C1orf232: variants seen among roughly 807,000 people sequenced by gnomAD.
C1orf232 encodes uncharacterized protein C1orf232.
Under a neutral mutation model 12.1 loss-of-function variants are expected in C1orf232, and 10 were observed. That is an observed-to-expected ratio of 0.82 (90% CI 0.51 to 1.40). The LOEUF (loss-of-function observed/expected upper bound fraction) is 1.40. Among genes scored for constraint, C1orf232 ranks in the 40% most tolerant of loss-of-function variants. The pLI is 0.00. For missense variants in C1orf232, 88 were observed against 98.4 expected, an observed-to-expected ratio of 0.89 and a Z score of 0.45; for synonymous variants, 36 against 39.8, an observed-to-expected ratio of 0.90 and a Z score of 0.36.
Position 26,164,222 on chromosome 1 carries a change from C to G in C1orf232, c.500G>C (p.Trp167Ser), listed in dbSNP as rs561662729. The G allele has an allele frequency of 2.5e-6, 1 of 398,514 alleles. No homozygotes were observed. Among genetic ancestry groups the G allele is most frequent in the East Asian group, 3.6e-5 (1 of 28,064 alleles). 24.7% of individuals were successfully genotyped at this position (398,514 alleles called of 1,614,324 possible). Residue 167 changes from tryptophan to serine, a missense_variant, in exon 4 of 4, where the codon TGG (tryptophan) becomes TCG (serine). By Grantham distance (177) the Trp-to-Ser change is radical. Coordinates refer to ENST00000634842, the MANE Select transcript of C1orf232 (RefSeq NM_001364669.2). The surrounding 1 kb of genome is among the most constrained non-coding windows in gnomAD (Gnocchi z 4.2). The part of the protein sequence containing the change: ...QEAEPVAGFK[W>S]GFLTHKLAEM... The stretch of plus-strand genomic sequence containing the variant: ...GGCCAGTTTGTGAGTGAGGAAGCCC[C>G]ACTTGAAGCCGGCCACCGGCTCGGC...
chr1:26,165,795 C>A, intron 3 of C1orf232, 31 bp downstream of exon 3: 2 of 1,231,902 alleles, frequency 1.6e-6, no homozygotes, highest in Non-Finnish European at 2.0e-6. Flanking sequence ...CAGGCCCCTT[C>A]CAGAACCACC....
chr1:26,166,130 G>A lies in C1orf232; in HGVS notation c.85-12C>T. 2 of 1,231,508 alleles carry A rather than the reference G, an allele frequency of 1.6e-6. No homozygotes were observed. The highest frequency in any genetic ancestry group is 2.0e-6 in the Non-Finnish European group (2 of 987,876). The allele number at this position is 1,231,508 out of a possible 1,614,324, so 76.3% of individuals were successfully genotyped here. A position where few individuals can be genotyped will look rare whatever the true frequency, so the allele number is the denominator to read the frequency against. ...GCTGGGTTCTCCCTCTGGGACACAA[G>A]ACCCCCACACAGCATGAGAGAGGCC... On this transcript the variant is annotated splice_polypyrimidine_tract_variant and intron_variant, in intron 1 of 3. Coordinates refer to ENST00000634842, the MANE Select transcript of C1orf232 (RefSeq NM_001364669.2).
Position 26,165,241 on chromosome 1 carries a change from A to C in C1orf232, c.266+585T>G, listed in dbSNP as rs79903780. On this transcript the variant is annotated intron_variant, in intron 3 of 3. Coordinates refer to ENST00000634842, the MANE Select transcript of C1orf232 (RefSeq NM_001364669.2). ...GGATGGAGAAAAGGCAGAAATGGAG[A>C]ATGTGCCAGAGATAGAGCCAGGAGG... Among the ~76,000 whole-genome samples, 1,185 of 152,026 alleles carry C rather than the reference A, an allele frequency of 7.8e-3. 15 individuals carry two copies. The highest frequency in any genetic ancestry group is 0.027 in the African/African-American group (1,124 of 41,410).
At chr1:26,165,091 T>C (rs1213661178) in intron 3 of C1orf232, among the ~76,000 whole-genome samples, 4 of 140,872 alleles carry the variant, frequency 2.8e-5, no homozygotes, top group Non-Finnish European at 6.1e-5. Context: ...GTCCAGGAAG[T>C]TCCTTGGGGA....
intron 3 of C1orf232, among the ~76,000 whole-genome samples, chr1:26,165,013 G>T (rs2088411601): frequency 6.6e-6 from 1 of 151,718 alleles, no homozygotes; most frequent in East Asian, 1.9e-4. Flanking sequence ...GGACTCAAGA[G>T]AAGTGGGAAG....
rs921679222 is a variant in C1orf232 at position 26,165,919 on chromosome 1, T to A, written c.173A>T (p.Gln58Leu). Residue 58 changes from glutamine (Q) to leucine (L), a missense_variant, in exon 3 of 4, where the codon CAG (glutamine) becomes CTG (leucine). Coordinates refer to ENST00000634842, the MANE Select transcript of C1orf232 (RefSeq NM_001364669.2). ...NPMSQLARRV[Q>L]GVGVKGWLTM... ...CAGCCAGCCTTTCACCCCGACCCCCTGAACCTGGGAAAGGGGTTGGGAGTC... is the reference window on the plus strand; with the variant it reads ...CAGCCAGCCTTTCACCCCGACCCCCAGAACCTGGGAAAGGGGTTGGGAGTC... 6.5e-6 allele frequency: 8 copies of A among 1,231,644 alleles called. No homozygotes were observed. The highest frequency in any genetic ancestry group is 8.2e-5 in the South Asian group (2 of 24,316). 76.3% of individuals were successfully genotyped at this position (1,231,644 alleles called of 1,614,324 possible). A position where few individuals can be genotyped will look rare whatever the true frequency, so the allele number is the denominator to read the frequency against.
chr1:26,167,551 C>T (rs945903007), intron 1 of C1orf232, among the ~76,000 whole-genome samples: 6 of 152,216 alleles, frequency 3.9e-5, no homozygotes, highest in African/African-American at 1.2e-4. Context: ...TCTCGAACTC[C>T]TAACCTCAGG....
chr1:26,167,630 G>C (rs1055127973), intron 1 of C1orf232, among the ~76,000 whole-genome samples: 1 of 151,720 alleles, frequency 6.6e-6, no homozygotes, highest in African/African-American at 2.4e-5. Context: ...TGGCCTGTTT[G>C]TTTGTTTTTG....
In C1orf232 at chr1:26,168,593, A is replaced by C; in HGVS notation, c.-94T>G. 1.2e-6 allele frequency: 1 copy of C among 827,158 alleles called. No homozygotes were observed. The highest frequency in any genetic ancestry group is 1.6e-6 in the Non-Finnish European group (1 of 618,698). 51.2% of individuals were successfully genotyped at this position (827,158 alleles called of 1,614,324 possible). On this transcript the variant is annotated 5_prime_UTR_variant, in exon 1 of 4. Coordinates refer to ENST00000634842, the MANE Select transcript of C1orf232 (RefSeq NM_001364669.2). ...TGGCTCTAGGAACTTGGTGAGGCCA[A>C]GAGCCTGTCCGAGGGATCCAGTGAC...
intron 1 of C1orf232, 98 bp downstream of exon 1, chr1:26,168,318 C>T: frequency 1.2e-6 from 1 of 852,364 alleles, no homozygotes; most frequent in Non-Finnish European, 1.6e-6. Flanking sequence ...CAAATGTGGC[C>T]CCCCCACCTC....
chr1:26,166,173 CCCT>C (rs2088423721), intron 1 of C1orf232, 55 bp from the exon 2 acceptor site: 4 of 1,187,226 alleles, frequency 3.4e-6, no homozygotes, highest in Non-Finnish European at 4.2e-6. Flanking sequence ...AGTGAGATCT[CCCT>C]CCTCCACTGC....
Position 26,166,110 on chromosome 1 carries a change from G to A in C1orf232, c.93C>T (p.Asn31=), listed in dbSNP as rs1004769474. The A allele has an allele frequency of 3.2e-6, 4 of 1,231,676 alleles. No individual in the cohort carries two copies. The highest frequency in any genetic ancestry group is 4.0e-6 in the Non-Finnish European group (4 of 987,982). The allele number at this position is 1,231,676 out of a possible 1,614,324, so 76.3% of individuals were successfully genotyped here. The change falls in exon 2 of 4, where the codon AAC becomes AAT. Residue 31 remains asparagine, a synonymous_variant. Transcript: ENST00000634842. ...CTGTCTCAGACCCCACTAATGCTGG[G>A]TTCTCCCTCTGGGACACAAGACCCC... is the stretch of plus-strand genomic sequence containing the variant. ...SEEDLAEERE[N]PALVGSETAE... is the part of the protein sequence containing the mutation.
intron 1 of C1orf232, among the ~76,000 whole-genome samples, chr1:26,166,604 G>A (rs1471412478): frequency 2.6e-5 from 4 of 151,844 alleles, no homozygotes; most frequent in African/African-American, 7.3e-5. Flanking sequence ...GGCGTGAGCC[G>A]CCAGTCCGAG....
chr1:26,164,196 C>G lies in C1orf232; in HGVS notation c.526G>C (p.Glu176Gln). Residue 176 changes from glutamate (E) to glutamine (Q), a missense_variant, in exon 4 of 4, where the codon GAG becomes CAG. Transcript: ENST00000634842. This position sits in a 1 kb window ranked among gnomAD's most constrained non-coding sequence, Gnocchi z 4.2. ...KWGFLTHKLA[E>Q]MRVKAAPKGD is the part of the protein sequence containing the mutation. ...TTGGGCGCAGCCTTCACCCTCATCT[C>G]GGCCAGTTTGTGAGTGAGGAAGCCC... is the stretch of plus-strand genomic sequence containing the variant. 1 of 398,472 alleles carries G rather than the reference C, an allele frequency of 2.5e-6. No individual in the cohort carries two copies. The highest frequency in any genetic ancestry group is 4.4e-6 in the Non-Finnish European group (1 of 225,946). 24.7% of individuals were successfully genotyped at this position (398,472 alleles called of 1,614,324 possible). A position where few individuals can be genotyped will look rare whatever the true frequency, so the allele number is the denominator to read the frequency against.
chr1:26,168,373 C>G (rs548603851), intron 1 of C1orf232, 43 bp downstream of exon 1: 1 of 1,210,280 alleles, frequency 8.3e-7, no homozygotes, highest in African/African-American at 1.6e-5. Flanking sequence ...TTCCTGCTGC[C>G]CCTCTGCACA....
intron 1 of C1orf232, 31 bp downstream of exon 1, chr1:26,168,385 G>A: frequency 8.2e-7 from 1 of 1,224,162 alleles, no homozygotes; most frequent in Non-Finnish European, 1.0e-6. Flanking sequence ...CTCTGCACAT[G>A]CTCCACCCAC....
chr1:26,166,345 G>A (rs530985301), intron 1 of C1orf232, among the ~76,000 whole-genome samples: 5 of 152,208 alleles, frequency 3.3e-5, no homozygotes, highest in Non-Finnish European at 5.9e-5. Flanking sequence ...GTGCGTGTGT[G>A]TGTGTGATGG....
At chr1:26,165,055 G>A (rs1358094554) in intron 3 of C1orf232, among the ~76,000 whole-genome samples, 2 of 148,672 alleles carry the variant, frequency 1.3e-5, no homozygotes, top group African/African-American at 4.9e-5. Flanking sequence ...ACGGAGAGGT[G>A]ATGAAGCTTG....
chr1:26,164,146 G>A lies in C1orf232; in HGVS notation c.*15C>T, dbSNP rs1295892046. 2 of 398,222 alleles carry A rather than the reference G, an allele frequency of 5.0e-6. No homozygotes were observed. The highest frequency in any genetic ancestry group is 8.9e-6 in the Non-Finnish European group (2 of 225,904). 24.7% of individuals were successfully genotyped at this position (398,222 alleles called of 1,614,324 possible). ...TCAGGGGTGGGAGCAGCGGGCGCGG[G>A]GTTCTGCCAGCCTGCTAGTCACCCT... On this transcript the variant is annotated 3_prime_UTR_variant, in exon 4 of 4. Coordinates refer to ENST00000634842, the MANE Select transcript of C1orf232 (RefSeq NM_001364669.2). This position sits in a 1 kb window ranked among gnomAD's most constrained non-coding sequence, Gnocchi z 4.2.
Sources: gnomAD v4.1 joint callset for allele counts (sites outside exome capture counted in the v4.1 genomes callset) on GRCh38, gnomAD v4.1.1 for gene constraint, Gnocchi (gnomAD v3.1) non-coding constraint, MANE v1.5 for transcripts, NCBI Gene and HGNC (gene_info 2026-07-23, HGNC 2026-07-21) for gene names.